The following IFT122 variants were observed in gnomAD, a reference collection of about 807,000 sequenced individuals.
IFT122 encodes the protein intraflagellar transport 122.
Under a neutral mutation model 161.6 loss-of-function variants are expected in IFT122, and 118 were observed. The observed-to-expected ratio is 0.73, with a 90% CI of 0.63 to 0.85. The LOEUF is 0.85. IFT122 is among the 40% of genes least tolerant of loss of function. The pLI is 0.00. For missense variants in IFT122, 1,381 were observed against 1,579.6 expected (o/e 0.87, Z 2.13); for synonymous variants, 550 against 602.4 (o/e 0.91, Z 1.27).
chr3:129,510,186 A>G (rs2082659527), intron 23 of IFT122, among the ~76,000 whole-genome samples: 2 of 152,166 alleles, frequency 1.3e-5, no homozygotes, highest in African/African-American at 4.8e-5. Context: ...TGAGCCTCCC[A>G]GAGCACTGGG....
In IFT122 at chr3:129,517,433, C is replaced by T. The variant is rs1455030937; in HGVS notation, c.3266-36C>T. ...CCTGGCGGCAAGTCCTTTGCAAGGC[C>T]TCCAGCCCCCTCAGCCCTTTCTCTA... On this transcript the variant is annotated intron_variant, in intron 26 of 29. Coordinates refer to ENST00000348417, the MANE Select transcript of IFT122 (RefSeq NM_052989.3). 32 of 1,611,184 alleles carry T rather than the reference C, an allele frequency of 2.0e-5. No individual in the cohort carries two copies. The Admixed American group carries it at 4.7e-4, about 24-fold the overall frequency.
Position 129,460,593 on chromosome 3 carries a change from G to A in IFT122, c.273-635G>A, listed in dbSNP as rs565754661. Among the ~76,000 whole-genome samples the A allele has an allele frequency of 4.6e-5, 7 of 152,134 alleles. 1 individual carries two copies. The highest frequency in any genetic ancestry group is 1.7e-4 in the African/African-American group (7 of 41,496). ...TTTTAAGTCTGAATATTATTCCATT[G>A]TATATATAGACCACATTTTCTTTAT... On this transcript the variant is annotated intron_variant, in intron 4 of 29. Transcript: ENST00000348417.
At chr3:129,501,430 C>T (rs2081534127) in intron 19 of IFT122, among the ~76,000 whole-genome samples, 1 of 152,200 alleles carries the variant, frequency 6.6e-6, no homozygotes, top group East Asian at 1.9e-4. Flanking sequence ...GTGGGCCCCT[C>T]ACAAAGGGAC....
At chr3:129,474,005 A>C (rs1307766924) in intron 9 of IFT122, among the ~76,000 whole-genome samples, 1 of 152,254 alleles carries the variant, frequency 6.6e-6, no homozygotes, top group Admixed American at 6.5e-5. Flanking sequence ...GTCGTGATTC[A>C]TAAGAATTTT....
At position 129,516,859 on chromosome 3, in the gene IFT122, AGG is replaced by A. The variant is rs375166736; in HGVS notation, c.3266-609_3266-608del. 8.4e-4 allele frequency among the ~76,000 whole-genome samples: 102 copies of A among 121,862 alleles called. 1 individual carries two copies. Among genetic ancestry groups the A allele is most frequent in the African/African-American group, 2.7e-3 (83 of 30,784 alleles). The allele number at this position is 121,862 out of a possible 152,430, so 79.9% of individuals were successfully genotyped here. On this transcript the variant is annotated intron_variant, in intron 26 of 29. Coordinates refer to ENST00000348417, the MANE Select transcript of IFT122 (RefSeq NM_052989.3). ...TGCCCCTGCACACACACACACACAG[AGG>A]CTGCCCCTGCACACACACAGACCGC...
chr3:129,517,942 A>G (rs568379714), intron 27 of IFT122, among the ~76,000 whole-genome samples: 46 of 152,256 alleles, frequency 3.0e-4, no homozygotes, highest in African/African-American at 1.1e-3. Context: ...GTTGGCCCCC[A>G]GCTCTTCCAC....
intron 9 of IFT122, among the ~76,000 whole-genome samples, chr3:129,472,010 T>C (rs2077413741): frequency 6.6e-6 from 1 of 151,766 alleles, no homozygotes; most frequent in Non-Finnish European, 1.5e-5. Context: ...AGAGGCTCAA[T>C]AATTTGCCCA....
At chr3:129,450,975 C>T (rs190942802) in intron 2 of IFT122, among the ~76,000 whole-genome samples, 1 of 152,180 alleles carries the variant, frequency 6.6e-6, no homozygotes, top group East Asian at 1.9e-4. Flanking sequence ...CCACCTCGGC[C>T]TCCCAAAGTG....
At position 129,520,505 on chromosome 3, in the gene IFT122, T is replaced by G; in HGVS notation, c.*240T>G. On this transcript the variant is annotated 3_prime_UTR_variant, in exon 30 of 30. Transcript: ENST00000348417. The stretch of plus-strand genomic sequence containing the variant: ...TTCTAAGGAAAAAAATCTGTTACTT[T>G]CAGAACGGCTCCGAGTTGTTCGTGG... The G allele has an allele frequency of 1.7e-6, 1 of 598,448 alleles. No homozygotes were observed. Among genetic ancestry groups the G allele is most frequent in the Admixed American group, 2.7e-5 (1 of 37,700 alleles). The allele number at this position is 598,448 out of a possible 1,614,324, so 37.1% of individuals were successfully genotyped here. A position where few individuals can be genotyped will look rare whatever the true frequency, so the allele number is the denominator to read the frequency against.
At chr3:129,454,905 T>C (rs562776056) in intron 3 of IFT122, among the ~76,000 whole-genome samples, 2 of 152,110 alleles carry the variant, frequency 1.3e-5, no homozygotes, top group Admixed American at 6.6e-5. Flanking sequence ...GGGACTCTTA[T>C]CTCCGCTCAA....
chr3:129,502,957 C>T, intron 20 of IFT122, 75 bp downstream of exon 20: 3 of 1,445,294 alleles, frequency 2.1e-6, no homozygotes, highest in Non-Finnish European at 2.9e-6. Flanking sequence ...TACAGGGGCC[C>T]TTTGGGGTTC....
At position 129,440,267 on chromosome 3, in the gene IFT122, G is replaced by A; in HGVS notation, c.-64G>A. On this transcript the variant is annotated 5_prime_UTR_variant, in exon 1 of 30. Coordinates refer to ENST00000348417, the MANE Select transcript of IFT122 (RefSeq NM_052989.3). ...GGCTTGTGGAGTGGCGACCGTTAGT[G>A]AGGCGGTTGCTGAGACAGACGCTGA... 6.5e-7 allele frequency: 1 copy of A among 1,545,348 alleles called. No homozygotes were observed. The highest frequency in any genetic ancestry group is 8.7e-7 in the Non-Finnish European group (1 of 1,144,126).
Position 129,500,806 on chromosome 3 carries a change from C to T in IFT122, c.2375+738C>T, listed in dbSNP as rs77532189. On this transcript the variant is annotated intron_variant, in intron 19 of 29. Transcript: ENST00000348417. ...AGTGGGCTGGCCACACTGGAAGGGC[C>T]TCCGATGCCAAACGGAGGTGCTTAG... Among the ~76,000 whole-genome samples, 1,346 of 152,226 alleles carry T rather than the reference C, an allele frequency of 8.8e-3. 15 individuals carry two copies. The highest frequency in any genetic ancestry group is 0.031 in the African/African-American group (1,281 of 41,520).
intron 12 of IFT122, 150 bp downstream of exon 12, chr3:129,478,368 C>T: frequency 1.5e-6 from 1 of 687,048 alleles, no homozygotes. Flanking sequence ...TTTCATTTTC[C>T]TGGCATCTGG....
intron 1 of IFT122, among the ~76,000 whole-genome samples, chr3:129,447,906 A>C (rs2074230044): frequency 6.6e-6 from 1 of 152,240 alleles, no homozygotes; most frequent in African/African-American, 2.4e-5. Context: ...GGCCTGAAAC[A>C]GTCTCTCAGG....
At chr3:129,519,261 C>T in intron 28 of IFT122, 75 bp downstream of exon 28, 1 of 1,331,894 alleles carries the variant, frequency 7.5e-7, no homozygotes, top group Non-Finnish European at 1.1e-6. Context: ...GGACCCTCAG[C>T]TAGCGCAGTG....
At position 129,514,486 on chromosome 3, in the gene IFT122, G is replaced by A. The variant is rs1228810561; in HGVS notation, c.3085G>A (p.Ala1029Thr). 1 of 1,614,092 alleles carries A rather than the reference G, an allele frequency of 6.2e-7. No homozygotes were observed. The highest frequency in any genetic ancestry group is 1.3e-5 in the African/African-American group (1 of 74,928). ...CAAGCTGCGTGGCCTGTACATCCCT[G>A]CCAGATTCCAAAAGTCCATTGAGCT... ...YDKLRGLYIPARFQKSIELGT... is the reference protein window; with the variant it reads ...YDKLRGLYIPTRFQKSIELGT... The change falls in exon 25 of 30, where the codon GCC (alanine) becomes ACC (threonine). Residue 1029 changes from alanine (A) to threonine (T), a missense_variant. Around this residue, in one of 7 missense-constraint regions of IFT122, gnomAD observed 496 missense variants for 502.5 expected, o/e 0.99. Coordinates refer to ENST00000348417, the MANE Select transcript of IFT122 (RefSeq NM_052989.3).
At position 129,499,837 on chromosome 3, in the gene IFT122, G is replaced by C. The variant is rs35711969; in HGVS notation, c.2209-65G>C. The C allele has an allele frequency of 6.6e-3, 10,524 of 1,597,864 alleles. 51 individuals carry two copies. Among genetic ancestry groups the C allele is most frequent in the Non-Finnish European group, 8.0e-3 (9,354 of 1,168,490 alleles). On this transcript the variant is annotated intron_variant, in intron 18 of 29. Coordinates refer to ENST00000348417, the MANE Select transcript of IFT122 (RefSeq NM_052989.3). ...GGAGCCCGCCCTTGCTGCTAGAAAAGCCTGATGTAACGCTGGCACAGGAAG... is the reference window on the plus strand; with the variant it reads ...GGAGCCCGCCCTTGCTGCTAGAAAACCCTGATGTAACGCTGGCACAGGAAG...
intron 14 of IFT122, among the ~76,000 whole-genome samples, chr3:129,482,044 G>A (rs1233082470): frequency 6.6e-6 from 1 of 152,256 alleles, no homozygotes; most frequent in Non-Finnish European, 1.5e-5. Flanking sequence ...GGCGATGGAT[G>A]CACTTCCTTT....
Sources: allele counts gnomAD v4.1 joint callset (sites outside exome capture counted in the v4.1 genomes callset), GRCh38; gene constraint gnomAD v4.1.1; regional missense constraint gnomAD v4.1.1; transcripts MANE v1.5; gene names NCBI Gene and HGNC (gene_info 2026-07-23, HGNC 2026-07-21).